Variants in TMEM232 observed in about 807,000 individuals in gnomAD.
The protein encoded by TMEM232 is transmembrane protein 232.
Under a neutral mutation model 78.8 loss-of-function variants are expected in TMEM232, and 80 were observed. That is an observed-to-expected ratio of 1.01 (90% CI 0.85 to 1.22). The LOEUF (loss-of-function observed/expected upper bound fraction) is 1.22. Ranked by LOEUF, TMEM232 falls within the 50% of genes most tolerant of loss-of-function variation. The pLI, the probability that TMEM232 is intolerant of heterozygous loss-of-function variation, is 0.00. For missense variants in TMEM232, 881 were observed against 742.2 expected (o/e 1.19, Z -2.17); for synonymous variants, 297 against 254.3 (o/e 1.17, Z -1.60).
At chr5:110,583,680 T>A (rs915819616) in intron 10 of TMEM232, among the ~76,000 whole-genome samples, 1 of 151,480 alleles carries the variant, frequency 6.6e-6, no homozygotes, top group Admixed American at 6.6e-5. Flanking sequence ...AAAGAAAAAA[T>A]CAACAGAGTA....
intron 11 of TMEM232, among the ~76,000 whole-genome samples, chr5:110,550,514 A>G (rs935997796): frequency 1.3e-5 from 2 of 152,070 alleles, no homozygotes; most frequent in Non-Finnish European, 2.9e-5. Flanking sequence ...TATAAAAACA[A>G]TGTAATAAGA....
intron 11 of TMEM232, among the ~76,000 whole-genome samples, chr5:110,552,432 A>T (rs1774583990): frequency 1.3e-5 from 2 of 152,114 alleles, no homozygotes; most frequent in African/African-American, 4.8e-5. Context: ...TAAATATACA[A>T]GTAAAAGGTG....
At chr5:110,461,189 A>T (rs1761485515) in intron 12 of TMEM232, among the ~76,000 whole-genome samples, 1 of 152,156 alleles carries the variant, frequency 6.6e-6, no homozygotes, top group East Asian at 1.9e-4. Flanking sequence ...TCAAGCTGTG[A>T]ATGCAAAAAA....
At chr5:110,528,073 T>C (rs1236771444) in intron 12 of TMEM232, among the ~76,000 whole-genome samples, 1 of 151,984 alleles carries the variant, frequency 6.6e-6, no homozygotes, top group East Asian at 1.9e-4. Flanking sequence ...GAAGAAATGG[T>C]AAATAAATCT....
intron 4 of TMEM232, among the ~76,000 whole-genome samples, chr5:110,388,711 T>G (rs1755070699): frequency 6.6e-6 from 1 of 152,024 alleles, no homozygotes; most frequent in South Asian, 2.1e-4. Context: ...TACAAAAGGG[T>G]TGAAGGCCAT....
At chr5:110,411,747 T>C (rs1345048584) in intron 2 of TMEM232, among the ~76,000 whole-genome samples, 5 of 152,200 alleles carry the variant, frequency 3.3e-5, no homozygotes, top group African/African-American at 1.2e-4. Flanking sequence ...GTTTATTCCA[T>C]ATTGTAGCAT....
intron 12 of TMEM232, among the ~76,000 whole-genome samples, chr5:110,503,156 A>G (rs1049416205): frequency 6.6e-6 from 1 of 152,186 alleles, no homozygotes. Context: ...AGCCACTCTG[A>G]CAGCTAGACT....
At chr5:110,439,241 TG>T (rs965367401) in intron 12 of TMEM232, among the ~76,000 whole-genome samples, 3 of 152,190 alleles carry the variant, frequency 2.0e-5, no homozygotes, top group Non-Finnish European at 2.9e-5. Flanking sequence ...ACAGTTTCCT[TG>T]GCTACTTTTT....
chr5:110,677,965 T>C (rs185079727), intron 1 of TMEM232, among the ~76,000 whole-genome samples: 66 of 152,210 alleles, frequency 4.3e-4, no homozygotes, highest in African/African-American at 1.6e-3. Flanking sequence ...TTAAGAAGCA[T>C]CAGAAAGATT....
At chr5:110,678,266 T>C (rs1241003900) in intron 1 of TMEM232, among the ~76,000 whole-genome samples, 1 of 152,134 alleles carries the variant, frequency 6.6e-6, no homozygotes, top group African/African-American at 2.4e-5. Context: ...GGTTTCACCA[T>C]GTTGCCTAGG....
chr5:110,655,994 C>T (rs998640508), intron 2 of TMEM232, among the ~76,000 whole-genome samples: 1 of 150,980 alleles, frequency 6.6e-6, no homozygotes, highest in Admixed American at 6.6e-5. Context: ...CAGCATGGCA[C>T]ATGTATACAT....
chr5:110,521,820 A>G (rs1250089931), intron 12 of TMEM232, among the ~76,000 whole-genome samples: 1 of 152,090 alleles, frequency 6.6e-6, no homozygotes, highest in Non-Finnish European at 1.5e-5. Flanking sequence ...TAGCCTATAC[A>G]TCTGTCTTTA....
At chr5:110,410,079 G>A (rs553510747) in intron 2 of TMEM232, among the ~76,000 whole-genome samples, 9 of 152,244 alleles carry the variant, frequency 5.9e-5, no homozygotes, top group Non-Finnish European at 8.8e-5. Flanking sequence ...AAATGCTTGC[G>A]CATTACACCT....
chr5:110,514,480 A>G (rs1029396077), intron 12 of TMEM232, among the ~76,000 whole-genome samples: 1 of 152,144 alleles, frequency 6.6e-6, no homozygotes, highest in African/African-American at 2.4e-5. Flanking sequence ...TGACATGTCC[A>G]GGCTCTTTAT....
At chr5:110,641,851 G>A (rs1297977971) in intron 3 of TMEM232, among the ~76,000 whole-genome samples, 1 of 152,042 alleles carries the variant, frequency 6.6e-6, no homozygotes, top group Admixed American at 6.6e-5. Context: ...TATTCTTAAC[G>A]AATGTATTTT....
chr5:110,691,905 A>G (rs1794157307), intron 1 of TMEM232, among the ~76,000 whole-genome samples: 1 of 152,124 alleles, frequency 6.6e-6, no homozygotes, highest in Admixed American at 6.5e-5. Context: ...TTGGGAACAC[A>G]TTCTCAATTC....
chr5:110,392,637 C>G (rs1308655219), intron 3 of TMEM232, among the ~76,000 whole-genome samples: 1 of 152,188 alleles, frequency 6.6e-6, no homozygotes, highest in Non-Finnish European at 1.5e-5. Context: ...TCTGGACTCT[C>G]TTAATCTTCT....
At chr5:110,616,302 A>T (rs1261823859) in intron 8 of TMEM232, among the ~76,000 whole-genome samples, 1 of 152,054 alleles carries the variant, frequency 6.6e-6, no homozygotes, top group Non-Finnish European at 1.5e-5. Context: ...AGTTACCAAG[A>T]ATACACAATA....
At chr5:110,431,354 G>C (rs529751066) in intron 12 of TMEM232, among the ~76,000 whole-genome samples, 3 of 151,292 alleles carry the variant, frequency 2.0e-5, no homozygotes, top group African/African-American at 4.9e-5. Context: ...ACACTCTGGC[G>C]TTATGTTTGA....
Sources: gnomAD v4.1 joint callset for allele counts (sites outside exome capture counted in the v4.1 genomes callset) on GRCh38, gnomAD v4.1.1 for gene constraint, MANE v1.5 for transcripts, NCBI Gene and HGNC (gene_info 2026-07-23, HGNC 2026-07-21) for gene names.